Variants in ARB2A observed in about 807,000 individuals in gnomAD.
ARB2A encodes ARB2 cotranscriptional regulator A.
the ARB2A span, among the ~76,000 whole-genome samples, chr5:93,779,139 A>G: frequency 4.9e-4 from 65 of 132,526 alleles, no homozygotes; most frequent in Non-Finnish European, 9.2e-4. Context: ...GCGCGCGCGC[A>G]CGTGCAGGGG....
the ARB2A span, chr5:93,618,508 C>G: frequency 6.6e-6 from 1 of 151,670 alleles, no homozygotes; most frequent in African/African-American, 2.4e-5. Flanking sequence ...ATTGTTAACA[C>G]TGGCCGTCCT....
At chr5:93,683,025 T>C in the ARB2A span, 15 of 1,575,304 alleles carry the variant, frequency 9.5e-6, no homozygotes, top group Admixed American at 2.2e-4. Flanking sequence ...TTAGGAGTTT[T>C]TTCCTGTTTT....
the ARB2A span, among the ~76,000 whole-genome samples, chr5:93,660,139 T>G: frequency 6.6e-6 from 1 of 152,160 alleles, no homozygotes; most frequent in South Asian, 2.1e-4. Flanking sequence ...AAACATTTAT[T>G]GAATACTCAC....
chr5:93,846,486 A>G, the ARB2A span, among the ~76,000 whole-genome samples: 1 of 152,074 alleles, frequency 6.6e-6, no homozygotes, highest in Non-Finnish European at 1.5e-5. Context: ...TGGGCAACAG[A>G]GCAAGACCAT....
chr5:93,908,850 T>C, the ARB2A span, among the ~76,000 whole-genome samples: 1 of 150,914 alleles, frequency 6.6e-6, no homozygotes, highest in African/African-American at 2.4e-5. Flanking sequence ...CTTTACAGAA[T>C]TGTCCTTCTA....
chr5:93,702,723 C>T, the ARB2A span, among the ~76,000 whole-genome samples: 1 of 152,066 alleles, frequency 6.6e-6, no homozygotes, highest in Non-Finnish European at 1.5e-5. Flanking sequence ...GCTATGAAGT[C>T]TCCTTCTTAA....
the ARB2A span, among the ~76,000 whole-genome samples, chr5:93,858,896 C>T: frequency 6.6e-6 from 1 of 152,056 alleles, no homozygotes; most frequent in Admixed American, 6.6e-5. Flanking sequence ...AGGGAAAAGA[C>T]TTGTTGGTAG....
chr5:93,749,640 C>A, the ARB2A span, among the ~76,000 whole-genome samples: 1 of 152,106 alleles, frequency 6.6e-6, no homozygotes, highest in Non-Finnish European at 1.5e-5. Flanking sequence ...CATTAACTGT[C>A]CACATATTTG....
At chr5:93,957,385 A>T in the ARB2A span, among the ~76,000 whole-genome samples, 1 of 152,172 alleles carries the variant, frequency 6.6e-6, no homozygotes, top group Non-Finnish European at 1.5e-5. Flanking sequence ...CACATTTTAC[A>T]TATAATGTTC....
At chr5:93,741,585 G>T in the ARB2A span, 7 of 1,494,254 alleles carry the variant, frequency 4.7e-6, no homozygotes, top group Non-Finnish European at 6.2e-6. Context: ...CACCCGCAGC[G>T]GCTCTGGTAG....
the ARB2A span, among the ~76,000 whole-genome samples, chr5:93,775,957 T>G: frequency 6.6e-6 from 1 of 152,234 alleles, no homozygotes; most frequent in Non-Finnish European, 1.5e-5. Context: ...CTATTCATCT[T>G]ACTGAGTTTG....
the ARB2A span, among the ~76,000 whole-genome samples, chr5:93,766,773 A>G: frequency 2.0e-4 from 31 of 152,278 alleles, no homozygotes; most frequent in East Asian, 2.3e-3. Context: ...ACAATAGCAA[A>G]GACTTGGAAC....
chr5:93,710,356 C>T, the ARB2A span, among the ~76,000 whole-genome samples: 2 of 152,194 alleles, frequency 1.3e-5, no homozygotes, highest in Admixed American at 6.5e-5. Context: ...ACTGGGCTTG[C>T]ATTCCTCCAT....
chr5:94,026,129 T>A, the ARB2A span, among the ~76,000 whole-genome samples: 2 of 152,066 alleles, frequency 1.3e-5, no homozygotes, highest in African/African-American at 4.8e-5. Context: ...CCAGAGAGGA[T>A]GTTACAGCAT....
the ARB2A span, among the ~76,000 whole-genome samples, chr5:93,767,822 G>A: frequency 4.6e-5 from 7 of 151,232 alleles, no homozygotes; most frequent in African/African-American, 9.7e-5. Flanking sequence ...GCAAAACCCC[G>A]TCTCTACTAA....
the ARB2A span, among the ~76,000 whole-genome samples, chr5:93,758,456 C>T: frequency 6.6e-6 from 1 of 152,086 alleles, no homozygotes; most frequent in Non-Finnish European, 1.5e-5. Flanking sequence ...TTCTATTCAA[C>T]AGTGCATGGA....
At chr5:93,974,456 T>G in the ARB2A span, among the ~76,000 whole-genome samples, 1 of 152,120 alleles carries the variant, frequency 6.6e-6, no homozygotes, top group East Asian at 1.9e-4. Context: ...AAACAATTAC[T>G]TCTAGACCTA....
At chr5:93,862,587 T>G in the ARB2A span, 3 of 152,164 alleles carry the variant, frequency 2.0e-5, no homozygotes, top group African/African-American at 7.2e-5. Flanking sequence ...GTTATATACA[T>G]GCTGGCAAAA....
At chr5:93,929,997 A>T in the ARB2A span, among the ~76,000 whole-genome samples, 1 of 152,166 alleles carries the variant, frequency 6.6e-6, no homozygotes, top group Non-Finnish European at 1.5e-5. Flanking sequence ...AATGACACTC[A>T]CTTCAGCGCA....
Sources: allele counts gnomAD v4.1 joint callset (sites outside exome capture counted in the v4.1 genomes callset), GRCh38; gene constraint gnomAD v4.1.1; transcripts MANE v1.5; gene names NCBI Gene and HGNC (gene_info 2026-07-23, HGNC 2026-07-21).